CPAMD8: variants seen among roughly 807,000 people sequenced by gnomAD.
CPAMD8 encodes the protein C3 and PZP like alpha-2-macroglobulin domain containing 8.
Under a neutral mutation model 224.7 loss-of-function variants are expected in CPAMD8, and 146 were observed. That is an observed-to-expected ratio of 0.65 (90% CI 0.57 to 0.75). The LOEUF is 0.75. Ranked by LOEUF, CPAMD8 falls within the 30% of genes least tolerant of loss-of-function variation. The pLI is 0.00. For missense variants in CPAMD8, 2,301 were observed against 2,537.5 expected (o/e 0.91, Z 2.00); for synonymous variants, 966 against 1,044.6 (o/e 0.92, Z 1.45).
At chr19:16,905,481 TGA>T (rs1219144333) in intron 30 of CPAMD8, among the ~76,000 whole-genome samples, 1 of 125,758 alleles carries the variant, frequency 8.0e-6, no homozygotes, top group Non-Finnish European at 1.6e-5. Flanking sequence ...CTTGGGAGGC[TGA>T]GTTAGGAGAT....
chr19:16,949,599 C>T (rs1476248487), intron 20 of CPAMD8, among the ~76,000 whole-genome samples: 1 of 152,190 alleles, frequency 6.6e-6, no homozygotes, highest in Non-Finnish European at 1.5e-5. Flanking sequence ...TTGCCTCTTG[C>T]CTAGACAATG....
rs67417151 is a variant in CPAMD8 at position 17,000,188 on chromosome 19, TCACACTTGTCATCCCAG to T, written c.867+209_867+225del. 90,541 of 426,990 alleles carry T rather than the reference TCACACTTGTCATCCCAG, an allele frequency of 0.21. 10,420 individuals are homozygous for T. Among genetic ancestry groups the T allele is most frequent in the African/African-American group, 0.37 (18,503 of 49,722 alleles). The allele number at this position is 426,990 out of a possible 1,614,324, so 26.5% of individuals were successfully genotyped here. A position where few individuals can be genotyped will look rare whatever the true frequency, so the allele number is the denominator to read the frequency against. ...TTTTAGAAAGTAAAACAGCGGTGGCTCACACTTGTCATCCCAGCACTTTTGGGGGCAAAGGCGAGAGG... is the reference window on the plus strand; with the variant it reads ...TTTTAGAAAGTAAAACAGCGGTGGCTCACTTTTGGGGGCAAAGGCGAGAGG... On this transcript the variant is annotated intron_variant, in intron 10 of 41. Coordinates refer to ENST00000443236, the MANE Select transcript of CPAMD8 (RefSeq NM_015692.5).
intron 36 of CPAMD8, 137 bp downstream of exon 36, chr19:16,901,073 G>C (rs2052236478): frequency 1.7e-6 from 1 of 595,834 alleles, no homozygotes; most frequent in South Asian, 2.2e-5. Flanking sequence ...GGGGGAGGGG[G>C]AGAGGGAGAG....
At chr19:16,983,774 T>C (rs550882126) in intron 13 of CPAMD8, among the ~76,000 whole-genome samples, 1 of 152,284 alleles carries the variant, frequency 6.6e-6, no homozygotes, top group Non-Finnish European at 1.5e-5. Context: ...TTCTTAGTTA[T>C]GACAAATGGA....
Position 16,928,915 on chromosome 19 carries a change from C to T in CPAMD8, c.3144+27G>A, listed in dbSNP as rs1357340436. ...ATTGGAGGAACATGAGGCTTCTGCA[C>T]AAGCCCCAGGCAGTTCTGCTGTATA... On this transcript the variant is annotated intron_variant, in intron 24 of 41. Coordinates refer to ENST00000443236, the MANE Select transcript of CPAMD8 (RefSeq NM_015692.5). 3.2e-6 allele frequency: 5 copies of T among 1,551,358 alleles called. No homozygotes were observed. In the South Asian group the frequency reaches 3.7e-5, roughly 11 times the overall value.
At chr19:16,950,818 GAA>G (rs2054276988) in intron 20 of CPAMD8, among the ~76,000 whole-genome samples, 1 of 143,598 alleles carries the variant, frequency 7.0e-6, no homozygotes, top group Admixed American at 7.0e-5. Context: ...AAAAAAAAGA[GAA>G]AGAGAGAGAA....
intron 39 of CPAMD8, 165 bp downstream of exon 39, chr19:16,897,526 C>T (rs1013755867): frequency 8.8e-6 from 5 of 567,562 alleles, no homozygotes; most frequent in Admixed American, 3.4e-5. Context: ...AGCCCCGCCT[C>T]CCCCGTACAG....
At chr19:16,997,997 A>T (rs2056190247) in intron 10 of CPAMD8, among the ~76,000 whole-genome samples, 1 of 152,208 alleles carries the variant, frequency 6.6e-6, no homozygotes, top group Admixed American at 6.6e-5. Context: ...AATAATCCTC[A>T]TTCAGAAAGA....
chr19:17,004,174 G>A (rs571091470), intron 8 of CPAMD8, 99 bp downstream of exon 8: 25 of 748,842 alleles, frequency 3.3e-5, no homozygotes, highest in Non-Finnish European at 4.7e-5. Context: ...CGAAAGTGCT[G>A]GGATTACAGG....
In CPAMD8 at chr19:16,907,091, C is replaced by T. The variant is rs774465692; in HGVS notation, c.3888G>A (p.Ala1296=). 6 of 1,576,450 alleles carry T rather than the reference C, an allele frequency of 3.8e-6. No individual in the cohort carries two copies. Among genetic ancestry groups the T allele is most frequent in the East Asian group, 2.3e-5 (1 of 44,064 alleles). ...GCGCAGCAGACTCCAGGAAGTGCCTCGCTTTGTCAGTGGAGCCTCTCTCCT... is the reference window on the plus strand; with the variant it reads ...GCGCAGCAGACTCCAGGAAGTGCCTTGCTTTGTCAGTGGAGCCTCTCTCCT... ...SEEERGSTDK[A]RHFLESAAPL... Residue 1296 remains alanine (A), a synonymous_variant, in exon 30 of 42, where the codon GCG becomes GCA. Coordinates refer to ENST00000443236, the MANE Select transcript of CPAMD8 (RefSeq NM_015692.5).
At position 16,980,316 on chromosome 19, in the gene CPAMD8, C is replaced by G. The variant is rs114054449; in HGVS notation, c.1585+181G>C. On this transcript the variant is annotated intron_variant, in intron 14 of 41. Transcript: ENST00000443236. The stretch of plus-strand genomic sequence containing the variant: ...TCTGGGGCCTGAACCTCTCCACTTC[C>G]AGCAGCTGATCACTGTCTTCCTGGA... Among the ~76,000 whole-genome samples, 2,681 of 152,262 alleles carry G rather than the reference C, an allele frequency of 0.018. 47 individuals are homozygous for G. The highest frequency in any genetic ancestry group is 0.052 in the African/African-American group (2,170 of 41,542).
At chr19:17,019,528 G>A (rs545537424) in intron 3 of CPAMD8, among the ~76,000 whole-genome samples, 4 of 151,544 alleles carry the variant, frequency 2.6e-5, no homozygotes, top group South Asian at 2.1e-4. Flanking sequence ...CTGGATTATC[G>A]GTGGATTTCT....
intron 30 of CPAMD8, among the ~76,000 whole-genome samples, chr19:16,906,448 T>C (rs2052522456): frequency 2.0e-5 from 3 of 149,572 alleles, no homozygotes. Flanking sequence ...CTTTTCTTTC[T>C]CTTTCTTTCT....
At chr19:17,026,504 C>T in intron 1 of CPAMD8, 47 bp downstream of exon 1, 1 of 1,450,148 alleles carries the variant, frequency 6.9e-7, no homozygotes, top group Non-Finnish European at 9.0e-7. Context: ...CCCGCGACCC[C>T]CACCCCAGAA....
At chr19:16,957,691 C>A in intron 19 of CPAMD8, 162 bp downstream of exon 19, 1 of 693,372 alleles carries the variant, frequency 1.4e-6, no homozygotes, top group East Asian at 2.5e-5. Context: ...GGACTCAAGG[C>A]TGGCTTCATG....
chr19:16,899,246 G>C lies in CPAMD8; in HGVS notation c.4848+229C>G, dbSNP rs1291037686. 6.6e-6 allele frequency among the ~76,000 whole-genome samples: 1 copy of C among 151,968 alleles called. No homozygotes were observed. The highest frequency in any genetic ancestry group is 1.9e-4 in the East Asian group (1 of 5,178). On this transcript the variant is annotated intron_variant, in intron 37 of 41. Transcript: ENST00000443236. This position sits in a 1 kb window ranked among gnomAD's most constrained non-coding sequence, Gnocchi z 5.4. ...ACTTTTTTATATTTTTTGTAAAGATGGGGTCTCGCCATGTTGCCCAGGCTG... is the reference window on the plus strand; with the variant it reads ...ACTTTTTTATATTTTTTGTAAAGATCGGGTCTCGCCATGTTGCCCAGGCTG...
chr19:16,904,798 T>C (rs1033721153), intron 30 of CPAMD8, among the ~76,000 whole-genome samples: 2 of 152,200 alleles, frequency 1.3e-5, no homozygotes, highest in Non-Finnish European at 2.9e-5. Context: ...TACCCAACCT[T>C]ACCCCTGGCA....
At chr19:16,912,701 C>A (rs756273671) in intron 29 of CPAMD8, among the ~76,000 whole-genome samples, 11 of 152,054 alleles carry the variant, frequency 7.2e-5, no homozygotes, top group Non-Finnish European at 1.3e-4. Flanking sequence ...CAGCCCTCAC[C>A]CCAAGCCAAA....
At chr19:16,977,310 C>G (rs563310279) in intron 15 of CPAMD8, 58 bp downstream of exon 15, 2 of 1,210,060 alleles carry the variant, frequency 1.7e-6, no homozygotes, top group Non-Finnish European at 2.4e-6. Context: ...TGGCCAGCAC[C>G]TTGGAGAAGC....
Sources: gnomAD v4.1 joint callset for allele counts (sites outside exome capture counted in the v4.1 genomes callset) on GRCh38, gnomAD v4.1.1 for gene constraint, Gnocchi (gnomAD v3.1) non-coding constraint, MANE v1.5 for transcripts, NCBI Gene and HGNC (gene_info 2026-07-23, HGNC 2026-07-21) for gene names.